DISC1: variants seen among roughly 807,000 people sequenced by gnomAD.
The protein encoded by DISC1 is DISC1 scaffold protein, also known as disrupted in schizophrenia 1 protein.
DISC1 carries 57 observed loss-of-function variants against 84.5 expected under a neutral mutation model. The ratio of observed to expected loss-of-function variants is 0.67; its 90% confidence interval spans 0.55 to 0.84. DISC1 has a LOEUF of 0.84. DISC1 is among the 40% of genes least tolerant of loss of function. The probability of loss-of-function intolerance (pLI) is 0.00; values close to 1 mark genes in which losing one functional copy is unlikely to be tolerated. For synonymous variants in DISC1, 411 were observed against 415.2 expected, an observed-to-expected ratio of 0.99 and a Z score of 0.12; for missense variants, 1,000 against 1,057.8, an observed-to-expected ratio of 0.95 and a Z score of 0.76.
At chr1:231,758,356 G>A (rs1163268226) in intron 4 of DISC1, among the ~76,000 whole-genome samples, 4 of 152,030 alleles carry the variant, frequency 2.6e-5, no homozygotes, top group African/African-American at 9.7e-5. Flanking sequence ...TGAATCTAGT[G>A]GATTTTTTTT....
intron 9 of DISC1, among the ~76,000 whole-genome samples, chr1:231,857,300 C>G (rs2084339380): frequency 6.6e-6 from 1 of 152,232 alleles, no homozygotes; most frequent in South Asian, 2.1e-4. Context: ...AAGTACTACT[C>G]TTACTTTTTC....
At chr1:231,908,169 CTTTAG>C (rs2088880424) in intron 9 of DISC1, among the ~76,000 whole-genome samples, 1 of 152,150 alleles carries the variant, frequency 6.6e-6, no homozygotes, top group Non-Finnish European at 1.5e-5. Flanking sequence ...TGTAGAAGCT[CTTTAG>C]TTTAATTAGA....
At chr1:231,661,803 G>T (rs2061584905) in intron 1 of DISC1, among the ~76,000 whole-genome samples, 1 of 152,202 alleles carries the variant, frequency 6.6e-6, no homozygotes, top group South Asian at 2.1e-4. Flanking sequence ...AGGTGTTACT[G>T]TCATTTGGAG....
chr1:231,868,053 A>G (rs2085184328), intron 9 of DISC1, among the ~76,000 whole-genome samples: 1 of 152,214 alleles, frequency 6.6e-6, no homozygotes, highest in South Asian at 2.1e-4. Context: ...GCTGGGGGAC[A>G]AGAAAAAACA....
At chr1:231,673,904 C>T (rs1225635020) in intron 1 of DISC1, among the ~76,000 whole-genome samples, 4 of 152,168 alleles carry the variant, frequency 2.6e-5, no homozygotes, top group African/African-American at 4.8e-5. Context: ...AGACTCCTTA[C>T]GAGTTTAGTC....
chr1:232,002,597 A>G (rs563960023), intron 10 of DISC1, among the ~76,000 whole-genome samples: 144 of 38,370 alleles, frequency 3.8e-3, no homozygotes, highest in African/African-American at 0.023. Flanking sequence ...TATGCTGAGC[A>G]CACACACACA....
intron 9 of DISC1, among the ~76,000 whole-genome samples, chr1:231,933,769 TA>T (rs1457424323): frequency 1.3e-5 from 2 of 152,164 alleles, no homozygotes; most frequent in African/African-American, 4.8e-5. Flanking sequence ...ATGAGTTAAG[TA>T]GGGGTATAAT....
intron 10 of DISC1, among the ~76,000 whole-genome samples, chr1:231,971,527 C>A (rs1661953629): frequency 6.6e-6 from 1 of 152,124 alleles, no homozygotes; most frequent in African/African-American, 2.4e-5. Flanking sequence ...TTCTATGATT[C>A]ATTTTGCTCC....
chr1:231,984,534 C>T (rs1353554533), intron 10 of DISC1, among the ~76,000 whole-genome samples: 1 of 152,040 alleles, frequency 6.6e-6, no homozygotes, highest in Non-Finnish European at 1.5e-5. Flanking sequence ...AAACATGGAA[C>T]CAGTGATGGG....
At chr1:231,639,874 C>T (rs1325421930) in intron 1 of DISC1, among the ~76,000 whole-genome samples, 1 of 152,228 alleles carries the variant, frequency 6.6e-6, no homozygotes, top group Non-Finnish European at 1.5e-5. Context: ...TGGCTCCCTC[C>T]TGTCCTAATC....
rs71573149 is a variant in DISC1, at chr1:231,969,186, G to GTTTTTTTTTT, written c.2042+10314_2042+10323dup. Among the ~76,000 whole-genome samples the GTTTTTTTTTT allele has an allele frequency of 2.2e-4, 20 of 91,672 alleles. 1 individual carries two copies. The highest frequency in any genetic ancestry group is 4.1e-4 in the Admixed American group (3 of 7,276). 60.1% of individuals were successfully genotyped at this position (91,672 alleles called of 152,430 possible). A position where few individuals can be genotyped will look rare whatever the true frequency, so the allele number is the denominator to read the frequency against. ...CTCCTGATTATCCAAACACTCAGCG[G>GTTTTTTTTTT]TTTTTTTTTTTTTTTTTTTTTTTTT... On this transcript the variant is annotated intron_variant, in intron 10 of 12. Coordinates refer to ENST00000439617, the MANE Select transcript of DISC1 (RefSeq NM_018662.3).
intron 4 of DISC1, among the ~76,000 whole-genome samples, chr1:231,759,682 G>A (rs76035892): frequency 0.012 from 1,885 of 152,192 alleles, 33 homozygotes; most frequent in African/African-American, 0.04. Context: ...CTCCAGCCTG[G>A]CTGACAGAGC....
intron 9 of DISC1, among the ~76,000 whole-genome samples, chr1:231,877,363 A>C (rs564618162): frequency 1.3e-5 from 2 of 152,252 alleles, no homozygotes; most frequent in Non-Finnish European, 2.9e-5. Context: ...GTGAATCAAC[A>C]TAAGTGTAAT....
intron 9 of DISC1, among the ~76,000 whole-genome samples, chr1:231,893,390 T>A (rs2087413847): frequency 1.3e-5 from 2 of 152,336 alleles, no homozygotes; most frequent in South Asian, 4.1e-4. Context: ...CAGGCACTTA[T>A]TAAAATTCTC....
intron 10 of DISC1, among the ~76,000 whole-genome samples, chr1:231,973,568 A>G (rs1322951737): frequency 6.6e-6 from 1 of 152,184 alleles, no homozygotes; most frequent in Non-Finnish European, 1.5e-5. Context: ...ATCTTCGACA[A>G]TGCGGTTGAT....
intron 9 of DISC1, among the ~76,000 whole-genome samples, chr1:231,948,732 G>C (rs1657738435): frequency 6.6e-6 from 1 of 152,136 alleles, no homozygotes; most frequent in Non-Finnish European, 1.5e-5. Context: ...ATGCAGAGGG[G>C]CATTCTGGAG....
At chr1:231,828,834 G>A (rs138722865) in intron 9 of DISC1, among the ~76,000 whole-genome samples, 5 of 152,254 alleles carry the variant, frequency 3.3e-5, no homozygotes, top group African/African-American at 7.2e-5. Context: ...CCTCGTAACT[G>A]TAGTTTGAGA....
intron 8 of DISC1, among the ~76,000 whole-genome samples, chr1:231,806,661 G>T (rs927045968): frequency 6.7e-6 from 1 of 148,560 alleles, no homozygotes; most frequent in Non-Finnish European, 1.5e-5. Context: ...AGGGTGAAAG[G>T]CCTCTTCTCC....
chr1:231,954,618 C>T lies in DISC1; in HGVS notation c.1982-4210C>T, dbSNP rs1659089945. On this transcript the variant is annotated intron_variant, in intron 9 of 12. Coordinates refer to ENST00000439617, the MANE Select transcript of DISC1 (RefSeq NM_018662.3). The surrounding 1 kb of genome is among the most constrained non-coding windows in gnomAD (Gnocchi z 4.8). ...ATTTCTTTGAGCGCCCTCTTTGCTT[C>T]TTGGAACCTTGCCTTACTACCATTG... is the stretch of plus-strand genomic sequence containing the variant. 6.6e-6 allele frequency among the ~76,000 whole-genome samples: 1 copy of T among 152,064 alleles called. No individual in the cohort carries two copies. Among genetic ancestry groups the T allele is most frequent in the Non-Finnish European group, 1.5e-5 (1 of 68,028 alleles).
Sources: gnomAD v4.1 joint callset for allele counts (sites outside exome capture counted in the v4.1 genomes callset) on GRCh38, gnomAD v4.1.1 for gene constraint, Gnocchi (gnomAD v3.1) non-coding constraint, MANE v1.5 for transcripts, NCBI Gene and HGNC (gene_info 2026-07-23, HGNC 2026-07-21) for gene names.